INPP4B: variants seen among roughly 807,000 people sequenced by gnomAD.
The protein encoded by INPP4B is inositol polyphosphate-4-phosphatase type II B.
INPP4B carries 55 observed loss-of-function variants against 122.5 expected under a neutral mutation model. That is an observed-to-expected ratio of 0.45 (90% confidence interval 0.36 to 0.56). The LOEUF is 0.56. Ranked by LOEUF, INPP4B falls within the 20% of genes least tolerant of loss-of-function variation. The pLI is 0.00. For synonymous variants in INPP4B, 403 were observed against 388.7 expected (o/e 1.04, Z -0.43); for missense variants, 1,000 against 1,097.7 (o/e 0.91, Z 1.26).
rs201122387 is a variant in INPP4B at position 142,694,399 on chromosome 4, GA to G, written c.-191+31439del. Among the ~76,000 whole-genome samples, 789 of 143,806 alleles carry G rather than the reference GA, an allele frequency of 5.5e-3. 4 individuals are homozygous for G. The highest frequency in any genetic ancestry group is 0.018 in the African/African-American group (697 of 39,332). The allele number at this position is 143,806 out of a possible 152,430, so 94.3% of individuals were successfully genotyped here. On this transcript the variant is annotated intron_variant, in intron 2 of 25. Coordinates refer to ENST00000262992, the MANE Select transcript of INPP4B (RefSeq NM_001101669.3). ...AAAAAAAAAACAAAAAAGAAAAAAA[GA>G]AAAAAAAAACCCTTTAACTCAAATG...
intron 2 of INPP4B, among the ~76,000 whole-genome samples, chr4:142,491,770 G>A (rs948835879): frequency 2.6e-5 from 4 of 152,182 alleles, no homozygotes; most frequent in Non-Finnish European, 5.9e-5. Context: ...CTAGGGCAAT[G>A]CAAGTTAACA....
intron 9 of INPP4B, among the ~76,000 whole-genome samples, chr4:142,300,610 C>A (rs942568630): frequency 3.3e-5 from 5 of 152,272 alleles, no homozygotes; most frequent in Admixed American, 2.0e-4. Context: ...TTCCCAAACA[C>A]ATAGTCATCC....
At chr4:142,697,899 C>T (rs1398200977) in intron 2 of INPP4B, among the ~76,000 whole-genome samples, 1 of 151,998 alleles carries the variant, frequency 6.6e-6, no homozygotes, top group Non-Finnish European at 1.5e-5. Flanking sequence ...TAATAAAATC[C>T]TTATCAGATA....
chr4:142,488,247 C>T (rs1481945223), intron 2 of INPP4B, among the ~76,000 whole-genome samples: 1 of 151,972 alleles, frequency 6.6e-6, no homozygotes, highest in Non-Finnish European at 1.5e-5. Flanking sequence ...CTGGGAAAAA[C>T]TCCAAATGCT....
chr4:142,132,420 T>G (rs1046903201), intron 18 of INPP4B, among the ~76,000 whole-genome samples: 4 of 152,224 alleles, frequency 2.6e-5, no homozygotes, highest in Non-Finnish European at 5.9e-5. Flanking sequence ...GAATTAATTC[T>G]ACAGTGTTGT....
At position 142,442,137 on chromosome 4, in the gene INPP4B, G is replaced by A. The variant is rs1261590549; in HGVS notation, c.-126-10752C>T. ...CATAAGAAAAACATGGGCCAGGCAC[G>A]GTGGCTCACGCCTACCTGTAATCCC... On this transcript the variant is annotated intron_variant, in intron 3 of 25. Coordinates refer to ENST00000262992, the MANE Select transcript of INPP4B (RefSeq NM_001101669.3). 4.6e-5 allele frequency among the ~76,000 whole-genome samples: 7 copies of A among 152,072 alleles called. No individual in the cohort carries two copies. In the East Asian group the frequency reaches 1.2e-3, roughly 25 times the overall value.
At chr4:142,493,717 A>G (rs1309173051) in intron 2 of INPP4B, among the ~76,000 whole-genome samples, 2 of 152,166 alleles carry the variant, frequency 1.3e-5, no homozygotes, top group Non-Finnish European at 2.9e-5. Context: ...TTACAGGCTC[A>G]GGTGGAAGGG....
At position 142,112,415 on chromosome 4, in the gene INPP4B, C is replaced by A. The variant is rs79539650; in HGVS notation, c.2276+127G>T. On this transcript the variant is annotated intron_variant, in intron 22 of 25. Transcript: ENST00000262992. ...ACCTTCTATCTCAAATAATTTGATACTGATAAAAAGAAAAATGTTACTCAT... is the reference window on the plus strand; with the variant it reads ...ACCTTCTATCTCAAATAATTTGATAATGATAAAAAGAAAAATGTTACTCAT... The A allele has an allele frequency of 5.1e-3, 5,089 of 995,166 alleles. 183 individuals carry two copies. The African/African-American group carries it at 0.076, about 15-fold the overall frequency. 61.6% of individuals were successfully genotyped at this position (995,166 alleles called of 1,614,324 possible). A position where few individuals can be genotyped will look rare whatever the true frequency, so the allele number is the denominator to read the frequency against.
At chr4:142,804,927 A>C (rs1778493691) in intron 1 of INPP4B, among the ~76,000 whole-genome samples, 1 of 152,198 alleles carries the variant, frequency 6.6e-6, no homozygotes, top group Non-Finnish European at 1.5e-5. Flanking sequence ...TCGGCCTCCC[A>C]AAGTTCTGGG....
intron 2 of INPP4B, among the ~76,000 whole-genome samples, chr4:142,639,330 T>C (rs987507123): frequency 2.0e-5 from 3 of 152,130 alleles, no homozygotes; most frequent in Non-Finnish European, 4.4e-5. Context: ...TTGTAGAGAA[T>C]TGATATAATT....
intron 12 of INPP4B, among the ~76,000 whole-genome samples, chr4:142,232,202 C>CATAT: frequency 6.6e-6 from 1 of 152,206 alleles, no homozygotes; most frequent in East Asian, 1.9e-4. Context: ...ATATATTTTA[C>CATAT]ATATATATTT....
intron 2 of INPP4B, among the ~76,000 whole-genome samples, chr4:142,554,126 T>C (rs537118294): frequency 5.2e-4 from 77 of 148,244 alleles, no homozygotes; most frequent in African/African-American, 1.5e-3. Context: ...AAGGAGGAGG[T>C]TGCAGTGAGC....
intron 2 of INPP4B, among the ~76,000 whole-genome samples, chr4:142,575,038 A>G (rs1217590763): frequency 6.6e-6 from 1 of 152,128 alleles, no homozygotes; most frequent in Non-Finnish European, 1.5e-5. Context: ...CTATCCAACA[A>G]GAGCACTGTG....
chr4:142,615,176 A>G (rs866586738), intron 2 of INPP4B, among the ~76,000 whole-genome samples: 11 of 152,164 alleles, frequency 7.2e-5, no homozygotes, highest in South Asian at 4.1e-4. Context: ...ATGACTGACT[A>G]TGTACCGAGG....
intron 2 of INPP4B, among the ~76,000 whole-genome samples, chr4:142,634,880 G>C (rs918440422): frequency 6.6e-6 from 1 of 151,034 alleles, no homozygotes. Context: ...ATTATTATTT[G>C]CCAGGAATAT....
intron 12 of INPP4B, among the ~76,000 whole-genome samples, chr4:142,219,699 G>T (rs756072855): frequency 3.9e-5 from 6 of 152,148 alleles, no homozygotes; most frequent in Admixed American, 6.5e-5. Flanking sequence ...CAGAAATAGA[G>T]AACATTTCTG....
At chr4:142,214,050 A>G (rs1431097218) in intron 12 of INPP4B, among the ~76,000 whole-genome samples, 1 of 152,220 alleles carries the variant, frequency 6.6e-6, no homozygotes, top group Non-Finnish European at 1.5e-5. Flanking sequence ...TTCCAAATTT[A>G]TCACTCTTAT....
chr4:142,192,187 G>A (rs973304219), intron 15 of INPP4B, among the ~76,000 whole-genome samples: 1 of 151,084 alleles, frequency 6.6e-6, no homozygotes, highest in Admixed American at 6.6e-5. Flanking sequence ...AGGAGGGTGA[G>A]GATTGAAAAA....
intron 2 of INPP4B, among the ~76,000 whole-genome samples, chr4:142,595,008 A>G (rs75112040): frequency 0.02 from 3,003 of 151,096 alleles, 49 homozygotes; most frequent in Non-Finnish European, 0.031. Context: ...AGTAAACACT[A>G]TCTCAAAGTT....
Sources: gnomAD v4.1 joint callset for allele counts (sites outside exome capture counted in the v4.1 genomes callset) on GRCh38, gnomAD v4.1.1 for gene constraint, MANE v1.5 for transcripts, NCBI Gene and HGNC (gene_info 2026-07-23, HGNC 2026-07-21) for gene names.